LRBA: variants seen among roughly 807,000 people sequenced by gnomAD.
LRBA encodes the protein LPS responsive beige-like anchor protein, also known as lipopolysaccharide-responsive and beige-like anchor protein.
LRBA carries 176 observed loss-of-function variants against 330.0 expected under a neutral mutation model. The ratio of observed to expected loss-of-function variants is 0.53; its 90% confidence interval spans 0.47 to 0.60. The LOEUF (loss-of-function observed/expected upper bound fraction) is 0.60. LRBA is among the 20% of genes least tolerant of loss of function. LRBA has a pLI of 0.00. For synonymous variants in LRBA, 1,230 were observed against 1,193.0 expected (o/e 1.03, Z -0.64); for missense variants, 3,259 against 3,444.8 (o/e 0.95, Z 1.35).
intron 26 of LRBA, among the ~76,000 whole-genome samples, chr4:150,847,941 T>C (rs989780336): frequency 6.6e-6 from 1 of 152,148 alleles, no homozygotes; most frequent in African/African-American, 2.4e-5. Flanking sequence ...GTTATTCCAG[T>C]GTGTTTGTAA....
Position 150,266,792 on chromosome 4 carries a change from T to C in LRBA, c.8469-980A>G, listed in dbSNP as rs1745398234. Among the ~76,000 whole-genome samples the C allele has an allele frequency of 2.6e-5, 4 of 152,318 alleles. No homozygotes were observed. In the South Asian group the frequency reaches 8.3e-4, roughly 32 times the overall value. ...AGATTGGCAGAATGGATAAAAAACATGATCCAACTATATGCTGTCTACAGG... is the reference window on the plus strand; with the variant it reads ...AGATTGGCAGAATGGATAAAAAACACGATCCAACTATATGCTGTCTACAGG... On this transcript the variant is annotated intron_variant, in intron 56 of 56. Coordinates refer to ENST00000651943, the MANE Select transcript of LRBA (RefSeq NM_001364905.1).
intron 40 of LRBA, chr4:150,580,392 G>C (rs1305467678): frequency 6.6e-6 from 1 of 152,108 alleles, no homozygotes; most frequent in Non-Finnish European, 1.5e-5. Context: ...ATGTAAGAAA[G>C]AACCAAGAGG....
chr4:150,501,350 G>A (rs1252382683), intron 40 of LRBA, among the ~76,000 whole-genome samples: 5 of 152,122 alleles, frequency 3.3e-5, no homozygotes, highest in African/African-American at 7.2e-5. Context: ...GGTGGCTCAC[G>A]TCTGTAATAC....
intron 35 of LRBA, among the ~76,000 whole-genome samples, chr4:150,740,131 A>T (rs1211721176): frequency 1.3e-5 from 2 of 152,258 alleles, no homozygotes; most frequent in African/African-American, 4.8e-5. Context: ...CATAATGGAA[A>T]TTAGGAAACG....
chr4:150,505,315 A>G (rs1011862533), intron 40 of LRBA, among the ~76,000 whole-genome samples: 60 of 152,320 alleles, frequency 3.9e-4, no homozygotes, highest in African/African-American at 1.4e-3. Context: ...TCCAAAATTG[A>G]CCACATAGTT....
intron 22 of LRBA, among the ~76,000 whole-genome samples, chr4:150,861,236 A>G (rs1228050792): frequency 1.3e-5 from 2 of 151,508 alleles, no homozygotes; most frequent in African/African-American, 4.9e-5. Context: ...CTGAGTAGCT[A>G]GAAATACAGG....
chr4:150,818,871 A>G (rs1478213477), intron 30 of LRBA, among the ~76,000 whole-genome samples: 1 of 152,096 alleles, frequency 6.6e-6, no homozygotes. Context: ...AATGTAAGAT[A>G]TATACCCATC....
intron 52 of LRBA, among the ~76,000 whole-genome samples, chr4:150,308,554 G>A (rs1433225254): frequency 6.6e-6 from 1 of 152,128 alleles, no homozygotes; most frequent in African/African-American, 2.4e-5. Context: ...AATAGGCACA[G>A]GCAAACCCTT....
intron 51 of LRBA, among the ~76,000 whole-genome samples, chr4:150,313,596 G>A (rs1580983695): frequency 6.6e-6 from 1 of 152,110 alleles, no homozygotes; most frequent in Non-Finnish European, 1.5e-5. Flanking sequence ...TTTTGTATAT[G>A]TAGTTTTATT....
intron 37 of LRBA, among the ~76,000 whole-genome samples, chr4:150,681,719 C>T (rs1238532385): frequency 6.6e-6 from 1 of 152,098 alleles, no homozygotes; most frequent in Non-Finnish European, 1.5e-5. Context: ...AATAATTTGA[C>T]AGCTATTTTC....
At chr4:150,444,457 C>A (rs1006902302) in intron 44 of LRBA, among the ~76,000 whole-genome samples, 1 of 152,240 alleles carries the variant, frequency 6.6e-6, no homozygotes, top group East Asian at 1.9e-4. Flanking sequence ...TCAACTGTAG[C>A]GCTCTTTCAT....
intron 44 of LRBA, among the ~76,000 whole-genome samples, chr4:150,457,986 G>T (rs1313922710): frequency 1.3e-5 from 2 of 151,854 alleles, no homozygotes; most frequent in Non-Finnish European, 2.9e-5. Context: ...TATATGTCAG[G>T]ATTATTCATC....
intron 28 of LRBA, among the ~76,000 whole-genome samples, chr4:150,832,636 T>C (rs1174393955): frequency 1.3e-5 from 2 of 152,034 alleles, no homozygotes; most frequent in African/African-American, 2.4e-5. Context: ...TAAACAATGA[T>C]ATGAGGATAA....
chr4:150,328,867 T>C (rs1196027267), intron 48 of LRBA, among the ~76,000 whole-genome samples: 2 of 152,174 alleles, frequency 1.3e-5, no homozygotes, highest in East Asian at 3.8e-4. Flanking sequence ...CATTGTAGCA[T>C]ATACATCTTT....
intron 53 of LRBA, among the ~76,000 whole-genome samples, chr4:150,300,955 ATATC>A (rs1729598990): frequency 6.6e-6 from 1 of 152,030 alleles, no homozygotes; most frequent in African/African-American, 2.4e-5. Context: ...AAGAACCCAA[ATATC>A]TATGTGTGTT....
intron 36 of LRBA, among the ~76,000 whole-genome samples, chr4:150,693,121 C>T (rs1294625396): frequency 6.6e-6 from 1 of 151,928 alleles, no homozygotes; most frequent in Non-Finnish European, 1.5e-5. Flanking sequence ...TAATGAACAG[C>T]TAGCAGTCTA....
In LRBA at chr4:150,649,465, C is replaced by T. The variant is rs111845661; in HGVS notation, c.5921+34086G>A. Among the ~76,000 whole-genome samples the T allele has an allele frequency of 1.3e-3, 191 of 152,296 alleles. 3 individuals are homozygous for T. Among genetic ancestry groups the T allele is most frequent in the African/African-American group, 4.5e-3 (187 of 41,578 alleles). On this transcript the variant is annotated intron_variant, in intron 37 of 56. Transcript: ENST00000651943. The stretch of plus-strand genomic sequence containing the variant: ...CTTATCTTCCTTCAACCTGAAGTAA[C>T]GCTTTTGCATCGCATGGTCATATAT...
chr4:150,477,114 T>C (rs1756802904), intron 42 of LRBA, among the ~76,000 whole-genome samples: 1 of 152,174 alleles, frequency 6.6e-6, no homozygotes, highest in Non-Finnish European at 1.5e-5. Flanking sequence ...TGATATTGTG[T>C]GGGCAAATTC....
At chr4:150,612,184 A>T (rs1775339021) in intron 37 of LRBA, among the ~76,000 whole-genome samples, 1 of 152,182 alleles carries the variant, frequency 6.6e-6, no homozygotes, top group Admixed American at 6.5e-5. Context: ...TTTGTAAGTA[A>T]CAGGAAGACA....
Sources: allele counts gnomAD v4.1 joint callset (sites outside exome capture counted in the v4.1 genomes callset), GRCh38; gene constraint gnomAD v4.1.1; transcripts MANE v1.5; gene names NCBI Gene and HGNC (gene_info 2026-07-23, HGNC 2026-07-21).